Variants in CAST observed in about 807,000 individuals in gnomAD.
The protein encoded by CAST is calpastatin.
A neutral mutation model predicts 119.6 loss-of-function variants in CAST; 76 were observed. The ratio of observed to expected loss-of-function variants is 0.64; its 90% CI spans 0.53 to 0.77. The LOEUF (loss-of-function observed/expected upper bound fraction) is 0.77. Among genes scored for constraint, CAST ranks in the 30% least tolerant of loss-of-function variants. The pLI is 0.00. For missense variants in CAST, 953 were observed against 946.5 expected, an observed-to-expected ratio of 1.01 and a Z score of -0.09; for synonymous variants, 319 against 331.6, an observed-to-expected ratio of 0.96 and a Z score of 0.41.
At chr5:96,703,420 G>A (rs1235286666) in intron 3 of CAST, among the ~76,000 whole-genome samples, 1 of 152,180 alleles carries the variant, frequency 6.6e-6, no homozygotes, top group Non-Finnish European at 1.5e-5. Context: ...GCTGGGTGTG[G>A]CGTGGCAAGT....
chr5:96,258,069 C>T, the CAST span, among the ~76,000 whole-genome samples: 2 of 151,974 alleles, frequency 1.3e-5, no homozygotes, highest in East Asian at 3.9e-4. Context: ...TTAGCCACCT[C>T]ATTTTTTTGA....
the CAST span, among the ~76,000 whole-genome samples, chr5:96,050,583 A>G: frequency 1.3e-5 from 2 of 152,336 alleles, no homozygotes; most frequent in African/African-American, 4.8e-5. Context: ...GAGGTCTCTG[A>G]GGAGAATGGT....
At chr5:96,547,182 T>C (rs1308009852) in intron 1 of CAST, among the ~76,000 whole-genome samples, 2 of 152,188 alleles carry the variant, frequency 1.3e-5, no homozygotes, top group African/African-American at 4.8e-5. Flanking sequence ...ATAGGATTGA[T>C]TATGGAAATT....
the CAST span, among the ~76,000 whole-genome samples, chr5:96,340,114 G>T: frequency 6.6e-6 from 1 of 152,282 alleles, no homozygotes; most frequent in African/African-American, 2.4e-5. Flanking sequence ...AGAGAAAGAA[G>T]GAAAGCCATG....
intron 14 of CAST, 33 bp downstream of exon 14, chr5:96,741,391 T>C: frequency 6.6e-7 from 1 of 1,521,620 alleles, no homozygotes; most frequent in Non-Finnish European, 9.1e-7. Context: ...GGGAAACTTG[T>C]TAGGAACTAT....
chr5:96,417,208 G>T, the CAST span, among the ~76,000 whole-genome samples: 1 of 152,160 alleles, frequency 6.6e-6, no homozygotes, highest in African/African-American at 2.4e-5. Flanking sequence ...AAGAAGAATT[G>T]TTCAACTTCT....
chr5:96,680,722 G>A (rs1751307518), intron 2 of CAST, among the ~76,000 whole-genome samples: 1 of 152,112 alleles, frequency 6.6e-6, no homozygotes, highest in Admixed American at 6.5e-5. Flanking sequence ...ATTATTTTGT[G>A]CTCTGTTTTT....
chr5:96,690,361 A>T (rs1260351739), intron 2 of CAST, among the ~76,000 whole-genome samples: 8 of 152,074 alleles, frequency 5.3e-5, no homozygotes, highest in Non-Finnish European at 1.0e-4. Flanking sequence ...CCTCCCAAGT[A>T]GCTGGGGTTA....
the CAST span, among the ~76,000 whole-genome samples, chr5:95,970,667 G>A: frequency 2.6e-5 from 4 of 152,306 alleles, no homozygotes; most frequent in South Asian, 6.2e-4. Context: ...AATTGTCATA[G>A]CAAATGAACT....
chr5:96,543,305 T>A lies in CAST; in HGVS notation c.60+13425T>A, dbSNP rs1745951033. ...GAACAGAAAACCAAGCACCACATGTTCTCACTCATAAGTGGGAGTTGAACA... is the reference window on the plus strand; with the variant it reads ...GAACAGAAAACCAAGCACCACATGTACTCACTCATAAGTGGGAGTTGAACA... On this transcript the variant is annotated intron_variant, in intron 1 of 11. Coordinates refer to the CAST transcript ENST00000505143. 2.0e-5 allele frequency among the ~76,000 whole-genome samples: 3 copies of A among 152,112 alleles called. No homozygotes were observed. The South Asian group carries it at 6.2e-4, about 32-fold the overall frequency.
the CAST span, among the ~76,000 whole-genome samples, chr5:96,373,694 T>A: frequency 6.6e-6 from 1 of 152,190 alleles, no homozygotes; most frequent in Admixed American, 6.5e-5. Flanking sequence ...AGTTTTATCA[T>A]CTATGAGGCT....
chr5:96,196,944 T>G, the CAST span, among the ~76,000 whole-genome samples: 1 of 152,150 alleles, frequency 6.6e-6, no homozygotes, highest in African/African-American at 2.4e-5. Context: ...GAGTAATGCT[T>G]TTGACTGAAG....
At position 96,767,970 on chromosome 5, in the gene CAST, A is replaced by G; in HGVS notation, c.2239A>G (p.Thr747Ala). Residue 747 changes from threonine (T) to alanine (A), a missense_variant, in exon 29 of 32, where the codon ACT (threonine) becomes GCT (alanine). Thr to Ala is a moderately conservative substitution (Grantham distance 58). Coordinates refer to ENST00000675179, the MANE Select transcript of CAST (RefSeq NM_001750.7). Reference protein sequence around the residue: ...LSGDLDSCPSTTETSQNTAKD... With the variant: ...LSGDLDSCPSATETSQNTAKD... ...AGGAGATCTGGACAGCTGTCCCTCC[A>G]CTACAGAAACCTCACAGAACACAGC... The G allele has an allele frequency of 1.9e-6, 3 of 1,613,184 alleles. No homozygotes were observed. The highest frequency in any genetic ancestry group is 1.3e-5 in the African/African-American group (1 of 75,016).
chr5:96,349,577 A>T, the CAST span, among the ~76,000 whole-genome samples: 1 of 152,332 alleles, frequency 6.6e-6, no homozygotes, highest in East Asian at 1.9e-4. Flanking sequence ...AAGAATAGAT[A>T]AATTTGTATC....
chr5:96,425,476 G>A, the CAST span, among the ~76,000 whole-genome samples: 3,751 of 152,260 alleles, frequency 0.025, 151 homozygotes, highest in African/African-American at 0.086. Flanking sequence ...AAAGGGTTCT[G>A]AAGAATAACT....
At chr5:96,424,182 G>T in the CAST span, among the ~76,000 whole-genome samples, 1 of 152,134 alleles carries the variant, frequency 6.6e-6, no homozygotes, top group African/African-American at 2.4e-5. Flanking sequence ...CCGGTGAAAG[G>T]GTCAATAAGA....
intron 1 of CAST, among the ~76,000 whole-genome samples, chr5:96,626,832 C>A (rs1054127336): frequency 5.3e-5 from 8 of 152,190 alleles, no homozygotes; most frequent in African/African-American, 1.9e-4. Flanking sequence ...AGTACCCACG[C>A]ACAGCAAGAG....
Position 96,589,110 on chromosome 5 carries a change from A to AATAGG in CAST, c.60+59232_60+59233insAGGAT, listed in dbSNP as rs10637620. 5.1e-3 allele frequency among the ~76,000 whole-genome samples: 766 copies of AATAGG among 151,666 alleles called. 7 individuals are homozygous for AATAGG. The highest frequency in any genetic ancestry group is 0.018 in the African/African-American group (740 of 41,294). ...CTTCCCAAAACAGTTTCATTCAGAAAATGATTTAATTTACATTACTCTAAA... is the reference window on the plus strand; with the variant it reads ...CTTCCCAAAACAGTTTCATTCAGAAAATAGGATGATTTAATTTACATTACTCTAAA... On this transcript the variant is annotated intron_variant, in intron 1 of 11. Coordinates refer to the CAST transcript ENST00000505143.
At chr5:96,282,638 C>T in the CAST span, among the ~76,000 whole-genome samples, 1,077 of 152,250 alleles carry the variant, frequency 7.1e-3, 11 homozygotes, top group African/African-American at 0.025. Flanking sequence ...AATTTTACCA[C>T]TTATTGTATT....
Sources: gnomAD v4.1 joint callset for allele counts (sites outside exome capture counted in the v4.1 genomes callset) on GRCh38, gnomAD v4.1.1 for gene constraint, MANE v1.5 for transcripts, NCBI Gene and HGNC (gene_info 2026-07-23, HGNC 2026-07-21) for gene names.